The following KIR2DL3 variants were observed in gnomAD, a reference collection of about 807,000 sequenced individuals.
KIR2DL3 encodes the protein killer cell immunoglobulin like receptor, two Ig domains and long cytoplasmic tail 3, also known as killer cell immunoglobulin-like receptor 2DL3.
In KIR2DL3, 39 loss-of-function variants were observed where a neutral mutation model predicts 33.8. That is an observed-to-expected ratio of 1.15 (90% CI 0.89 to 1.51). The LOEUF (loss-of-function observed/expected upper bound fraction) is 1.51. Ranked by LOEUF, KIR2DL3 falls within the 40% of genes most tolerant of loss-of-function variation. The pLI, the probability that KIR2DL3 is intolerant of heterozygous loss-of-function variation, is 0.00. For synonymous variants in KIR2DL3, 174 were observed against 160.2 expected (o/e 1.09, Z -0.65); for missense variants, 462 against 426.2 (o/e 1.08, Z -0.74).
chr19:54,744,917 TAA>T (rs748875419), intron 4 of KIR2DL3, among the ~76,000 whole-genome samples: 2,625 of 39,414 alleles, frequency 0.067, 102 homozygotes, highest in Non-Finnish European at 0.11. Context: ...CACACATATA[TAA>T]ACATATATAT....
chr19:54,744,222 G>C, intron 4 of KIR2DL3, 134 bp downstream of exon 4: 1 of 1,389,792 alleles, frequency 7.2e-7, no homozygotes, highest in Non-Finnish European at 9.9e-7. Flanking sequence ...AGGGATCAGG[G>C]CACAGGATGG....
At chr19:54,744,291 T>C (rs2071830859) in intron 4 of KIR2DL3, among the ~76,000 whole-genome samples, 1 of 152,024 alleles carries the variant, frequency 6.6e-6, no homozygotes, top group South Asian at 2.1e-4. Flanking sequence ...CGGCCAGGGC[T>C]CCAGGCACAC....
rs761285185 is a variant in KIR2DL3 at position 54,742,206 on chromosome 19, A to T, written c.297A>T (p.Arg99Ser). The change falls in exon 3 of 8, where the codon AGA (arginine) becomes AGT (serine). Residue 99 changes from arginine (R) to serine (S), a missense_variant. Physicochemically the swap from Arg to Ser is moderately radical, Grantham distance 110. Coordinates refer to ENST00000342376, the MANE Select transcript of KIR2DL3 (RefSeq NM_015868.3). Reference sequence around the variant, plus strand: ...TGCAAGACCTTGCAGGGACCTACAGATGCTACGGTTCTGTTACTCACTCCC... The same window carrying T: ...TGCAAGACCTTGCAGGGACCTACAGTTGCTACGGTTCTGTTACTCACTCCC... ...PMMQDLAGTY[R>S]CYGSVTHSPY... The T allele has an allele frequency of 2.5e-6, 4 of 1,614,054 alleles. No homozygotes were observed. The highest frequency in any genetic ancestry group is 3.4e-6 in the Non-Finnish European group (4 of 1,180,006).
chr19:54,740,390 G>C (rs1208413335), intron 2 of KIR2DL3, among the ~76,000 whole-genome samples: 1 of 151,708 alleles, frequency 6.6e-6, no homozygotes, highest in African/African-American at 2.4e-5. Context: ...AAGGAAGGTG[G>C]GGTGCCTGTC....
chr19:54,745,789 C>G (rs1267696707), intron 4 of KIR2DL3, among the ~76,000 whole-genome samples: 2 of 149,858 alleles, frequency 1.3e-5, no homozygotes, highest in African/African-American at 4.9e-5. Flanking sequence ...CTTTGCCTGT[C>G]TTGCAGCTAA....
chr19:54,744,037 T>C lies in KIR2DL3; in HGVS notation c.613T>C (p.Ser205Pro). The C allele has an allele frequency of 6.2e-7, 1 of 1,614,210 alleles. No homozygotes were observed. The highest frequency in any genetic ancestry group is 1.1e-5 in the South Asian group (1 of 91,092). Residue 205 changes from serine (S) to proline (P), a missense_variant, in exon 4 of 8, where the codon TCT (serine) becomes CCT (proline). Coordinates refer to ENST00000342376, the MANE Select transcript of KIR2DL3 (RefSeq NM_015868.3). ...CAGATGCTTCGGCTCTTTCCGTGAC[T>C]CTCCATACGAGTGGTCAAACTCGAG... ...TYRCFGSFRD[S>P]PYEWSNSSDP...
At chr19:54,746,945 G>A (rs1260011923) in intron 4 of KIR2DL3, among the ~76,000 whole-genome samples, 2 of 147,016 alleles carry the variant, frequency 1.4e-5, no homozygotes, top group Non-Finnish European at 3.0e-5. Flanking sequence ...TTGCACCTCT[G>A]CACTCCAGCC....
chr19:54,742,116 T>C lies in KIR2DL3; in HGVS notation c.207T>C (p.Thr69=), dbSNP rs141846339. 4 of 1,613,738 alleles carry C rather than the reference T, an allele frequency of 2.5e-6. No homozygotes were observed. The African/African-American group carries it at 4.0e-5, about 16-fold the overall frequency. The change falls in exon 3 of 8, where the codon ACT becomes ACC. Residue 69 remains threonine (T), a synonymous_variant. Transcript: ENST00000342376. ...LLHREGKFKD[T]LHLIGEHHDG... is the part of the protein sequence containing the mutation. Reference sequence around the variant, plus strand: ...ACAGAGAAGGGAAGTTTAAGGACACTTTGCACCTCATTGGAGAGCACCATG... The same window carrying C: ...ACAGAGAAGGGAAGTTTAAGGACACCTTGCACCTCATTGGAGAGCACCATG...
In KIR2DL3 at chr19:54,752,126, A is replaced by G. The variant is rs1340772766; in HGVS notation, c.821-90A>G. 44 of 1,342,846 alleles carry G rather than the reference A, an allele frequency of 3.3e-5. 8 individuals are homozygous for G. In the Admixed American group the frequency reaches 8.0e-4, roughly 24 times the overall value. 83.2% of individuals were successfully genotyped at this position (1,342,846 alleles called of 1,614,324 possible). ...GGCAACTGAGGGACCTCAGGCTCCT[A>G]TGGTCTCCCCCTGTATGTTGGTATC... is the stretch of plus-strand genomic sequence containing the variant. On this transcript the variant is annotated intron_variant, in intron 6 of 7. Transcript: ENST00000342376.
chr19:54,744,873 T>A (rs1287602212), intron 4 of KIR2DL3, among the ~76,000 whole-genome samples: 8 of 55,734 alleles, frequency 1.4e-4, no homozygotes, highest in Admixed American at 1.7e-4. Context: ...AATACATTTA[T>A]ATATATATAT....
intron 2 of KIR2DL3, among the ~76,000 whole-genome samples, chr19:54,740,639 G>T (rs375841057): frequency 6.6e-6 from 1 of 151,622 alleles, no homozygotes; most frequent in Admixed American, 6.6e-5. Context: ...GTCCCATCAC[G>T]CAGGCCCTGA....
chr19:54,751,267 A>C (rs1021111726), intron 5 of KIR2DL3, among the ~76,000 whole-genome samples: 1 of 131,198 alleles, frequency 7.6e-6, no homozygotes, highest in African/African-American at 2.9e-5. Flanking sequence ...GCTCTTTTGA[A>C]CAACCAGCTC....
In KIR2DL3 at chr19:54,742,291, C is replaced by T. The variant is rs761478087; in HGVS notation, c.370+12C>T. ...CATCGTCATCACAGGTGAGAGTGTC[C>T]GGACATTCTCATTGTCATTGGGATG... On this transcript the variant is annotated intron_variant, in intron 3 of 7. Transcript: ENST00000342376. 2.6e-5 allele frequency: 42 copies of T among 1,609,982 alleles called. No individual in the cohort carries two copies. The highest frequency in any genetic ancestry group is 1.7e-4 in the Middle Eastern group (1 of 6,046).
intron 4 of KIR2DL3, among the ~76,000 whole-genome samples, chr19:54,744,888 A>ATATGTATG (rs2072046329): frequency 1.9e-5 from 1 of 51,890 alleles, no homozygotes; most frequent in Admixed American, 2.1e-4. Context: ...ATATATATAT[A>ATATGTATG]TATATATATA....
At chr19:54,744,944 ATATATATATATT>A (rs1444169655) in intron 4 of KIR2DL3, among the ~76,000 whole-genome samples, 93 of 26,786 alleles carry the variant, frequency 3.5e-3, no homozygotes, top group African/African-American at 0.011. Flanking sequence ...ATATATATAT[ATATATATATATT>A]TTTTTTTTTT....
At chr19:54,740,776 G>C (rs557795207) in intron 2 of KIR2DL3, among the ~76,000 whole-genome samples, 2 of 152,108 alleles carry the variant, frequency 1.3e-5, no homozygotes, top group Admixed American at 6.6e-5. Context: ...TAGGGGAAGG[G>C]ACTGAAGGGG....
At position 54,743,879 on chromosome 19, in the gene KIR2DL3, G is replaced by A. The variant is rs200535552; in HGVS notation, c.455G>A (p.Arg152Gln). The change falls in exon 4 of 8, where the codon CGG becomes CAG. Residue 152 changes from arginine to glutamine, a missense_variant. Transcript: ENST00000342376. The stretch of plus-strand genomic sequence containing the variant: ...AGCGTGACCTTGTCCTGCAGCTCCC[G>A]GAGCTCCTATGACATGTACCATCTA... ...GESVTLSCSS[R>Q]SSYDMYHLSR... 8.2e-4 allele frequency: 1,318 copies of A among 1,613,886 alleles called. 13 individuals carry two copies. In the African/African-American group the frequency reaches 0.014, roughly 18 times the overall value.
At chr19:54,745,914 G>A (rs1230299977) in intron 4 of KIR2DL3, among the ~76,000 whole-genome samples, 1 of 141,134 alleles carries the variant, frequency 7.1e-6, no homozygotes, top group Non-Finnish European at 1.6e-5. Context: ...CCAGGTTCAA[G>A]CGATTCTCCT....
chr19:54,744,112 C>T (rs568421883), intron 4 of KIR2DL3, 24 bp downstream of exon 4: 1 of 1,613,712 alleles, frequency 6.2e-7, no homozygotes, highest in Admixed American at 1.7e-5. Context: ...ATATCTGTCT[C>T]ATGTCCTATG....
Sources: allele counts gnomAD v4.1 joint callset (sites outside exome capture counted in the v4.1 genomes callset), GRCh38; gene constraint gnomAD v4.1.1; transcripts MANE v1.5; gene names NCBI Gene and HGNC (gene_info 2026-07-23, HGNC 2026-07-21).